The following ERBB4 variants were observed in gnomAD, a reference collection of about 807,000 sequenced individuals.
ERBB4 encodes the protein erb-b2 receptor tyrosine kinase 4.
A neutral mutation model predicts 158.0 loss-of-function variants in ERBB4; 42 were observed. That is an observed-to-expected ratio of 0.27 (90% CI 0.21 to 0.34). The LOEUF is 0.34. Among genes scored for constraint, ERBB4 ranks in the 10% least tolerant of loss-of-function variants. The pLI, the probability that ERBB4 is intolerant of heterozygous loss-of-function variation, is 1.00. For missense variants in ERBB4, 1,333 were observed against 1,624.1 expected (o/e 0.82, Z 3.08); for synonymous variants, 583 against 558.7 (o/e 1.04, Z -0.61).
chr2:212,094,332 A>G (rs1355553367), intron 2 of ERBB4, among the ~76,000 whole-genome samples: 1 of 149,978 alleles, frequency 6.7e-6, no homozygotes, highest in Non-Finnish European at 1.5e-5. Flanking sequence ...ATACAAAGGT[A>G]CAAAGCTCCT....
chr2:211,942,315 T>G (rs2080522743), intron 3 of ERBB4, among the ~76,000 whole-genome samples: 1 of 151,864 alleles, frequency 6.6e-6, no homozygotes, highest in African/African-American at 2.4e-5. Flanking sequence ...CATGTTGTAG[T>G]TTCTGGATGA....
chr2:211,736,393 A>G (rs961094800), intron 5 of ERBB4, among the ~76,000 whole-genome samples: 26 of 152,174 alleles, frequency 1.7e-4, no homozygotes, highest in African/African-American at 6.3e-4. Context: ...TTTTATTCCA[A>G]TGTATCTTAT....
intron 3 of ERBB4, among the ~76,000 whole-genome samples, chr2:211,924,150 T>G (rs986802045): frequency 6.6e-5 from 10 of 152,188 alleles, no homozygotes; most frequent in Admixed American, 5.2e-4. Flanking sequence ...TCCCTATTAG[T>G]CCTCTAAAGC....
intron 1 of ERBB4, among the ~76,000 whole-genome samples, chr2:212,505,699 A>G (rs935905566): frequency 2.7e-5 from 4 of 148,806 alleles, no homozygotes; most frequent in African/African-American, 9.7e-5. Flanking sequence ...AGTAGGGGAT[A>G]CCCCAAAGTC....
chr2:211,558,135 C>T (rs978436983), intron 20 of ERBB4, among the ~76,000 whole-genome samples: 3 of 152,142 alleles, frequency 2.0e-5, no homozygotes, highest in African/African-American at 4.8e-5. Flanking sequence ...GAAAACAATG[C>T]AAATTTATTC....
intron 1 of ERBB4, among the ~76,000 whole-genome samples, chr2:212,417,365 G>A (rs747758265): frequency 9.2e-5 from 14 of 151,998 alleles, no homozygotes; most frequent in Admixed American, 6.6e-5. Context: ...AAGAGAAAAA[G>A]TAACTACACA....
rs567808166 is a variant in ERBB4, at chr2:211,565,206, G to T, written c.2302-3118C>A. Among the ~76,000 whole-genome samples, 3 of 152,180 alleles carry T rather than the reference G, an allele frequency of 2.0e-5. No individual in the cohort carries two copies. The South Asian group carries it at 6.2e-4, about 32-fold the overall frequency. ...TAATTAAACAGAAAATCATACTTAC[G>T]ATACAGCACAACTGGGAATAGTTAC... is the stretch of plus-strand genomic sequence containing the variant. On this transcript the variant is annotated intron_variant, in intron 19 of 27. Transcript: ENST00000342788.
intron 1 of ERBB4, among the ~76,000 whole-genome samples, chr2:212,437,376 G>A (rs1428933645): frequency 2.6e-5 from 4 of 151,824 alleles, no homozygotes; most frequent in East Asian, 3.9e-4. Context: ...AGTAAAATCA[G>A]ATGGCTTATG....
At chr2:212,427,744 G>T (rs943436229) in intron 1 of ERBB4, among the ~76,000 whole-genome samples, 2 of 152,110 alleles carry the variant, frequency 1.3e-5, no homozygotes, top group African/African-American at 4.8e-5. Flanking sequence ...ATACCTGAAA[G>T]AAATTGGTCT....
At chr2:211,737,146 C>T (rs531550977) in intron 5 of ERBB4, among the ~76,000 whole-genome samples, 1 of 152,164 alleles carries the variant, frequency 6.6e-6, no homozygotes, top group Non-Finnish European at 1.5e-5. Context: ...CCAGCAGTAA[C>T]AACCAATGTC....
chr2:212,515,189 G>A (rs1691754114), intron 1 of ERBB4, among the ~76,000 whole-genome samples: 1 of 152,150 alleles, frequency 6.6e-6, no homozygotes, highest in South Asian at 2.1e-4. Context: ...GAGATTACTT[G>A]TAATGGTGAA....
At chr2:211,390,925 A>T (rs760028631) in intron 25 of ERBB4, among the ~76,000 whole-genome samples, 1 of 152,042 alleles carries the variant, frequency 6.6e-6, no homozygotes, top group Non-Finnish European at 1.5e-5. Flanking sequence ...CCATTTTTTC[A>T]GTTTGCTTTT....
intron 2 of ERBB4, among the ~76,000 whole-genome samples, chr2:212,037,451 C>A (rs889744464): frequency 1.3e-5 from 2 of 152,202 alleles, no homozygotes; most frequent in Non-Finnish European, 2.9e-5. Context: ...AAAAACAACA[C>A]TAAAGCTATT....
At chr2:211,805,805 A>G (rs1343268364) in intron 3 of ERBB4, among the ~76,000 whole-genome samples, 1 of 152,118 alleles carries the variant, frequency 6.6e-6, no homozygotes, top group Non-Finnish European at 1.5e-5. Context: ...AAATACAAAA[A>G]AAATTCTATT....
intron 4 of ERBB4, among the ~76,000 whole-genome samples, chr2:211,751,235 T>G (rs1224982700): frequency 6.6e-6 from 1 of 152,208 alleles, no homozygotes; most frequent in African/African-American, 2.4e-5. Flanking sequence ...TTTCAATTAT[T>G]TTAATATATA....
At position 212,026,945 on chromosome 2, in the gene ERBB4, C is replaced by T. The variant is rs553334438; in HGVS notation, c.235-79329G>A. Among the ~76,000 whole-genome samples the T allele has an allele frequency of 2.6e-5, 4 of 151,858 alleles. No homozygotes were observed. The East Asian group carries it at 7.7e-4, about 29-fold the overall frequency. ...ATTGCTTTTCCATAAAAATAACATACTATTTAATAATGTTATAATATTTAG... is the reference window on the plus strand; with the variant it reads ...ATTGCTTTTCCATAAAAATAACATATTATTTAATAATGTTATAATATTTAG... On this transcript the variant is annotated intron_variant, in intron 2 of 27. Transcript: ENST00000342788.
chr2:211,509,413 A>G (rs978810741), intron 20 of ERBB4, among the ~76,000 whole-genome samples: 2 of 152,052 alleles, frequency 1.3e-5, no homozygotes, highest in Admixed American at 1.3e-4. Context: ...ATGAAACTGG[A>G]CCCCTATCTT....
In ERBB4 at chr2:211,713,577, C is replaced by G. The variant is rs759603522; in HGVS notation, c.955G>C (p.Gly319Arg). 8 of 1,612,582 alleles carry G rather than the reference C, an allele frequency of 5.0e-6. No individual in the cohort carries two copies. Among genetic ancestry groups the G allele is most frequent in the Admixed American group, 1.7e-5 (1 of 59,952 alleles). The change falls in exon 8 of 28, where the codon GGG becomes CGG. Residue 319 changes from glycine to arginine, a missense_variant. Transcript: ENST00000342788. ...PSSKMEVEEN[G>R]IKMCKPCTDI... ...GTGCAAGGTTTACACATTTTAATCC[C>G]ATTTTCTTCTACTTCCATCTTGGAA...
intron 1 of ERBB4, among the ~76,000 whole-genome samples, chr2:212,473,441 G>A (rs577850623): frequency 6.6e-6 from 1 of 151,966 alleles, no homozygotes; most frequent in South Asian, 2.1e-4. Flanking sequence ...TACATCATAA[G>A]ATCTGGGCAA....
Sources: gnomAD v4.1 joint callset for allele counts (sites outside exome capture counted in the v4.1 genomes callset) on GRCh38, gnomAD v4.1.1 for gene constraint, MANE v1.5 for transcripts, NCBI Gene and HGNC (gene_info 2026-07-23, HGNC 2026-07-21) for gene names.